The following GPHN variants were observed in gnomAD, a reference collection of about 807,000 sequenced individuals.
GPHN encodes gephyrin.
Under a neutral mutation model 95.5 loss-of-function variants are expected in GPHN, and 17 were observed. The ratio of observed to expected loss-of-function variants is 0.18; its 90% confidence interval spans 0.12 to 0.27. The LOEUF (loss-of-function observed/expected upper bound fraction) is 0.27. GPHN is among the 10% of genes least tolerant of loss of function. The probability of loss-of-function intolerance (pLI) is 1.00; values close to 1 mark genes in which losing one functional copy is unlikely to be tolerated. For missense variants in GPHN, 660 were observed against 978.1 expected, an observed-to-expected ratio of 0.67 and a Z score of 4.34; for synonymous variants, 320 against 322.5, an observed-to-expected ratio of 0.99 and a Z score of 0.08.
the GPHN span, among the ~76,000 whole-genome samples, chr14:67,730,593 A>G: frequency 2.0e-5 from 3 of 152,202 alleles, no homozygotes; most frequent in Non-Finnish European, 4.4e-5. Context: ...AAAATCCTAA[A>G]TACTTCTGAT....
intron 8 of GPHN, among the ~76,000 whole-genome samples, chr14:66,955,147 C>T (rs1371362500): frequency 1.3e-5 from 2 of 152,252 alleles, no homozygotes; most frequent in East Asian, 1.9e-4. Flanking sequence ...AATGTTCCCT[C>T]CTCATATTTT....
chr14:66,800,483 T>C (rs983688243), intron 3 of GPHN, among the ~76,000 whole-genome samples: 4 of 152,226 alleles, frequency 2.6e-5, no homozygotes, highest in African/African-American at 9.6e-5. Context: ...CTTTCAGCAC[T>C]ATAAATATGT....
chr14:66,591,961 A>G (rs775983322), intron 1 of GPHN, among the ~76,000 whole-genome samples: 9 of 152,234 alleles, frequency 5.9e-5, no homozygotes, highest in African/African-American at 9.6e-5. Flanking sequence ...AAACAGATAT[A>G]TAGGCTAATG....
At chr14:67,365,964 A>C in the GPHN span, among the ~76,000 whole-genome samples, 3 of 152,294 alleles carry the variant, frequency 2.0e-5, no homozygotes, top group South Asian at 6.2e-4. Flanking sequence ...ATGTTTTGCT[A>C]TGACTTAGCT....
chr14:66,762,266 A>G lies in GPHN; in HGVS notation c.144-14198A>G, dbSNP rs181707588. 3.9e-3 allele frequency among the ~76,000 whole-genome samples: 594 copies of G among 152,268 alleles called. 5 individuals are homozygous for G. Among genetic ancestry groups the G allele is most frequent in the African/African-American group, 0.014 (570 of 41,566 alleles). On this transcript the variant is annotated intron_variant, in intron 2 of 22. Coordinates refer to ENST00000478722, the MANE Select transcript of GPHN (RefSeq NM_020806.5). ...CTTCTAATTAATATACTAATTACCA[A>G]TGGTTCATGTCAGAATGTTAAAGCT...
chr14:66,592,838 A>T (rs1266466982), intron 1 of GPHN, among the ~76,000 whole-genome samples: 1 of 152,232 alleles, frequency 6.6e-6, no homozygotes, highest in Non-Finnish European at 1.5e-5. Flanking sequence ...TACTATAAGG[A>T]CACATGCACA....
chr14:67,072,508 C>A (rs980239427), intron 11 of GPHN, among the ~76,000 whole-genome samples: 2 of 151,956 alleles, frequency 1.3e-5, no homozygotes, highest in Non-Finnish European at 2.9e-5. Context: ...ACCATTAGCT[C>A]ATCCCAAGCA....
At chr14:67,662,177 AAC>A in the GPHN span, among the ~76,000 whole-genome samples, 3 of 128,056 alleles carry the variant, frequency 2.3e-5, no homozygotes, top group Admixed American at 8.8e-5. Flanking sequence ...CAACAACAAC[AAC>A]AAAAAAAAAA....
At chr14:66,867,963 T>G (rs2063291179) in intron 4 of GPHN, among the ~76,000 whole-genome samples, 1 of 152,138 alleles carries the variant, frequency 6.6e-6, no homozygotes. Flanking sequence ...AAATGTAAAT[T>G]TTGAGGCACC....
At chr14:67,585,713 TCTC>T in the GPHN span, 2 of 1,299,814 alleles carry the variant, frequency 1.5e-6, no homozygotes, top group East Asian at 2.5e-5. Context: ...GGTCTTTTCT[TCTC>T]CTCTGTGGAC....
At chr14:66,992,380 T>C (rs1419485319) in intron 9 of GPHN, among the ~76,000 whole-genome samples, 1 of 152,084 alleles carries the variant, frequency 6.6e-6, no homozygotes, top group African/African-American at 2.4e-5. Flanking sequence ...GTGAAAAAAG[T>C]CAAGGGAGGA....
the GPHN span, among the ~76,000 whole-genome samples, chr14:67,264,483 T>C: frequency 6.6e-6 from 1 of 152,198 alleles, no homozygotes; most frequent in Non-Finnish European, 1.5e-5. Context: ...TGTGTTTTCT[T>C]GTAGCAGTTT....
the GPHN span, chr14:67,678,437 A>C: frequency 1.3e-6 from 2 of 1,569,932 alleles, no homozygotes; most frequent in East Asian, 2.2e-5. Context: ...GAAGGTAAAG[A>C]GAAAGGTATG....
rs760469629 is a variant in GPHN, at chr14:67,179,574, G to A, written c.2080-4G>A. ...TTTGTTTTCTTTTCTACTTTATTCTGTAGTTATCATGTGATGTAAAACTTG... is the reference window on the plus strand; with the variant it reads ...TTTGTTTTCTTTTCTACTTTATTCTATAGTTATCATGTGATGTAAAACTTG... On this transcript the variant is annotated splice_region_variant and splice_polypyrimidine_tract_variant and intron_variant, in intron 21 of 22. Transcript: ENST00000478722. 6.5e-7 allele frequency: 1 copy of A among 1,537,548 alleles called. No homozygotes were observed. Among genetic ancestry groups the A allele is most frequent in the Non-Finnish European group, 9.0e-7 (1 of 1,110,384 alleles).
chr14:67,636,720 C>T, the GPHN span, among the ~76,000 whole-genome samples: 3 of 152,176 alleles, frequency 2.0e-5, no homozygotes, highest in Admixed American at 6.5e-5. Context: ...GAGTAGTACT[C>T]GGTGTATTTT....
intron 5 of GPHN, among the ~76,000 whole-genome samples, chr14:66,910,652 C>T (rs557208878): frequency 1.2e-4 from 18 of 152,040 alleles, no homozygotes; most frequent in African/African-American, 3.9e-4. Context: ...ATATATGTCT[C>T]TATGTATGTG....
the GPHN span, among the ~76,000 whole-genome samples, chr14:67,508,240 C>T: frequency 6.6e-6 from 1 of 152,026 alleles, no homozygotes; most frequent in Non-Finnish European, 1.5e-5. Flanking sequence ...CTTCTTTCTC[C>T]TTCAACACCA....
chr14:67,605,871 C>A, the GPHN span, among the ~76,000 whole-genome samples: 7 of 151,886 alleles, frequency 4.6e-5, no homozygotes, highest in Non-Finnish European at 1.0e-4. Context: ...GTAGTAGAGA[C>A]GAGGTTTTAC....
chr14:66,729,192 C>T (rs2071532443), intron 2 of GPHN, among the ~76,000 whole-genome samples: 1 of 152,130 alleles, frequency 6.6e-6, no homozygotes, highest in African/African-American at 2.4e-5. Context: ...TCCATTAAAC[C>T]TCTTTATTTT....
Sources: allele counts gnomAD v4.1 joint callset (sites outside exome capture counted in the v4.1 genomes callset), GRCh38; gene constraint gnomAD v4.1.1; transcripts MANE v1.5; gene names NCBI Gene and HGNC (gene_info 2026-07-23, HGNC 2026-07-21).